The following PTPRM variants were observed in gnomAD, a reference collection of about 807,000 sequenced individuals.
The protein encoded by PTPRM is receptor-type tyrosine-protein phosphatase mu.
Under a neutral mutation model 186.7 loss-of-function variants are expected in PTPRM, and 47 were observed. The observed-to-expected ratio is 0.25, with a 90% CI of 0.20 to 0.32. The LOEUF (loss-of-function observed/expected upper bound fraction) is 0.32, where lower values mean the gene tolerates loss of function less well. Ranked by LOEUF, PTPRM falls within the 10% of genes least tolerant of loss-of-function variation. PTPRM has a pLI of 1.00. For synonymous variants in PTPRM, 668 were observed against 674.9 expected (o/e 0.99, Z 0.16); for missense variants, 1,494 against 1,865.0 (o/e 0.80, Z 3.66).
intron 31 of PTPRM, among the ~76,000 whole-genome samples, chr18:8,392,430 C>T (rs1373454339): frequency 6.6e-6 from 1 of 152,066 alleles, no homozygotes; most frequent in East Asian, 1.9e-4. Flanking sequence ...TGAGACTATC[C>T]TGGCTAACAC....
intron 1 of PTPRM, among the ~76,000 whole-genome samples, chr18:7,631,929 A>G (rs557404612): frequency 2.7e-4 from 41 of 152,346 alleles, no homozygotes; most frequent in South Asian, 8.3e-4. Flanking sequence ...TTGATTGTCA[A>G]TATATCCTGT....
chr18:8,116,641 ATGCTCATTTACATAG>A lies in PTPRM; in HGVS notation c.2167+1816_2167+1830del, dbSNP rs2091968013. Among the ~76,000 whole-genome samples the A allele has an allele frequency of 3.3e-5, 5 of 152,324 alleles. No individual in the cohort carries two copies. The South Asian group carries it at 1.0e-3, about 32-fold the overall frequency. On this transcript the variant is annotated intron_variant, in intron 13 of 32. Transcript: ENST00000580170. ...TGAAAACAACAAAATATCTGTCATC[ATGCTCATTTACATAG>A]TTAAATAATTATATAAATAACACAC...
chr18:8,023,060 A>G (rs1278599380), intron 7 of PTPRM, among the ~76,000 whole-genome samples: 1 of 152,006 alleles, frequency 6.6e-6, no homozygotes, highest in African/African-American at 2.4e-5. Flanking sequence ...AGAAGTCACA[A>G]TGTAAGGTTA....
At chr18:7,918,624 G>C (rs759058290) in intron 4 of PTPRM, among the ~76,000 whole-genome samples, 31 of 152,120 alleles carry the variant, frequency 2.0e-4, no homozygotes, top group Non-Finnish European at 4.3e-4. Context: ...ACAGCTACTT[G>C]AATGTCCAGT....
chr18:7,713,584 TAA>T (rs1422870883), intron 1 of PTPRM, among the ~76,000 whole-genome samples: 1 of 151,018 alleles, frequency 6.6e-6, no homozygotes, highest in Non-Finnish European at 1.5e-5. Flanking sequence ...ACAAATTGGA[TAA>T]AGAGTCAAGA....
At chr18:8,256,632 T>TA (rs1357116705) in intron 19 of PTPRM, among the ~76,000 whole-genome samples, 2 of 152,210 alleles carry the variant, frequency 1.3e-5, no homozygotes, top group Non-Finnish European at 2.9e-5. Context: ...AGCCACATGT[T>TA]ATGGAAAGGG....
intron 1 of PTPRM, among the ~76,000 whole-genome samples, chr18:7,748,379 C>G (rs896890024): frequency 1.3e-5 from 2 of 152,226 alleles, no homozygotes; most frequent in Non-Finnish European, 2.9e-5. Context: ...ACCTGCCAAG[C>G]TCCTTGTGAG....
chr18:8,250,645 CA>C (rs1449974657), intron 17 of PTPRM, among the ~76,000 whole-genome samples: 1 of 151,556 alleles, frequency 6.6e-6, no homozygotes, highest in East Asian at 1.9e-4. Flanking sequence ...ATAAATTAGC[CA>C]GGCATGGTGG....
intron 2 of PTPRM, among the ~76,000 whole-genome samples, chr18:7,877,408 A>G (rs1298043033): frequency 2.0e-5 from 3 of 152,208 alleles, no homozygotes; most frequent in Non-Finnish European, 2.9e-5. Context: ...TCGCATGATC[A>G]TTGATACACA....
chr18:7,826,159 G>A (rs1381817844), intron 2 of PTPRM, among the ~76,000 whole-genome samples: 4 of 152,094 alleles, frequency 2.6e-5, no homozygotes, highest in Admixed American at 2.0e-4. Context: ...AGCCTGCTCT[G>A]TGTTACCTCG....
intron 1 of PTPRM, among the ~76,000 whole-genome samples, chr18:7,674,238 T>G (rs927171304): frequency 3.9e-5 from 6 of 152,102 alleles, no homozygotes; most frequent in African/African-American, 1.4e-4. Context: ...ATGGCTGGTG[T>G]TGAGATTTTT....
intron 14 of PTPRM, among the ~76,000 whole-genome samples, chr18:8,163,968 G>A (rs898070062): frequency 6.6e-6 from 1 of 152,200 alleles, no homozygotes; most frequent in African/African-American, 2.4e-5. Flanking sequence ...GCTAATTTTA[G>A]TGATAATACG....
At chr18:8,075,159 C>G (rs2089728073) in intron 8 of PTPRM, among the ~76,000 whole-genome samples, 1 of 152,040 alleles carries the variant, frequency 6.6e-6, no homozygotes, top group East Asian at 1.9e-4. Context: ...TTAATCTATC[C>G]TCATTAAATG....
chr18:7,680,006 C>G (rs182262525), intron 1 of PTPRM, among the ~76,000 whole-genome samples: 59 of 152,188 alleles, frequency 3.9e-4, no homozygotes, highest in African/African-American at 1.4e-3. Context: ...GCTGTGACCA[C>G]CGGTAAGTGC....
intron 13 of PTPRM, among the ~76,000 whole-genome samples, chr18:8,137,999 G>A (rs147718517): frequency 3.3e-5 from 5 of 152,124 alleles, no homozygotes; most frequent in African/African-American, 9.7e-5. Context: ...AGCACAAAAC[G>A]TACTAAATAA....
chr18:7,758,487 A>G (rs1395420827), intron 1 of PTPRM, among the ~76,000 whole-genome samples: 1 of 152,202 alleles, frequency 6.6e-6, no homozygotes, highest in Non-Finnish European at 1.5e-5. Context: ...GTTTGTGTTA[A>G]TATCTCAGTG....
rs147752860 is a variant in PTPRM at position 7,769,249 on chromosome 18, G to A, written c.74-4900G>A. 4.7e-3 allele frequency among the ~76,000 whole-genome samples: 717 copies of A among 152,048 alleles called. 4 individuals carry two copies. Among genetic ancestry groups the A allele is most frequent in the Non-Finnish European group, 6.3e-3 (426 of 67,992 alleles). On this transcript the variant is annotated intron_variant, in intron 1 of 32. Transcript: ENST00000580170. ...ACTATCCTGTAGTGTTAAGAATATG[G>A]GCCCCTTATGACTGGATGCCTGGAT...
intron 1 of PTPRM, among the ~76,000 whole-genome samples, chr18:7,677,264 T>C (rs1249328691): frequency 1.3e-5 from 2 of 152,228 alleles, no homozygotes; most frequent in African/African-American, 4.8e-5. Context: ...CGGGGAATTG[T>C]TTGGACATTA....
intron 13 of PTPRM, among the ~76,000 whole-genome samples, chr18:8,132,139 T>C (rs1443577075): frequency 6.6e-6 from 1 of 152,230 alleles, no homozygotes; most frequent in Non-Finnish European, 1.5e-5. Context: ...TGAGATTTTG[T>C]GTAGGTGTTG....
Sources: gnomAD v4.1 joint callset for allele counts (sites outside exome capture counted in the v4.1 genomes callset) on GRCh38, gnomAD v4.1.1 for gene constraint, MANE v1.5 for transcripts, NCBI Gene and HGNC (gene_info 2026-07-23, HGNC 2026-07-21) for gene names.